PRH1: variants seen among roughly 807,000 people sequenced by gnomAD.
The protein encoded by PRH1 is salivary acidic proline-rich phosphoprotein 1/2.
Under a neutral mutation model 7.9 loss-of-function variants are expected in PRH1, and 7 were observed. The observed-to-expected ratio is 0.89, with a 90% CI of 0.50 to 1.67. The LOEUF is 1.67. Among genes scored for constraint, PRH1 ranks in the 40% most tolerant of loss-of-function variants. The pLI, the probability that PRH1 is intolerant of heterozygous loss-of-function variation, is 0.00. For missense variants in PRH1, 109 were observed against 223.6 expected, an observed-to-expected ratio of 0.49 and a Z score of 3.27; for synonymous variants, 45 against 80.8, an observed-to-expected ratio of 0.56 and a Z score of 2.38.
rs546066515 is a variant in PRH1 at position 10,903,931 on chromosome 12, CAAAAAAAA to C, written c.-58-19664_-58-19657del. Among the ~76,000 whole-genome samples the C allele has an allele frequency of 3.2e-4, 10 of 31,098 alleles. 1 individual carries two copies. Among genetic ancestry groups the C allele is most frequent in the South Asian group, 2.5e-3 (1 of 406 alleles). The allele number at this position is 31,098 out of a possible 152,430, so 20.4% of individuals were successfully genotyped here. A position where few individuals can be genotyped will look rare whatever the true frequency, so the allele number is the denominator to read the frequency against. On this transcript the variant is annotated intron_variant, in intron 2 of 3. Coordinates refer to the PRH1 transcript ENST00000539853. The stretch of plus-strand genomic sequence containing the variant: ...AATGCAATCCCATTTACAATAGCCT[CAAAAAAAA>C]AAAAAAAAAAAAAAACAACTAGGAC...
At chr12:11,101,168 A>G (rs547521116) in intron 1 of PRH1, among the ~76,000 whole-genome samples, 1 of 152,166 alleles carries the variant, frequency 6.6e-6, no homozygotes, top group East Asian at 1.9e-4. Flanking sequence ...ATTCTTGCCT[A>G]TCTCTTCTTT....
At chr12:11,031,099 T>C (rs1942187092) in intron 1 of PRH1, 1 of 1,614,292 alleles carries the variant, frequency 6.2e-7, no homozygotes, top group Non-Finnish European at 8.5e-7. Flanking sequence ...TAGTTCTTAC[T>C]TCTACACTAT....
Position 11,087,045 on chromosome 12 carries a change from T to C in PRH1, n.124-39857A>G, listed in dbSNP as rs1402011261. On this transcript the variant is annotated intron_variant and non_coding_transcript_variant, in intron 1 of 4. Coordinates refer to the PRH1 transcript ENST00000541977. ...ATAGGCAGGAACCAAAGATTGTTCA[T>C]TATCGATTCGATACTGTTTTACTTG... is the stretch of plus-strand genomic sequence containing the variant. Among the ~76,000 whole-genome samples, 5 of 115,380 alleles carry C rather than the reference T, an allele frequency of 4.3e-5. 1 individual carries two copies. Among genetic ancestry groups the C allele is most frequent in the African/African-American group, 1.4e-4 (5 of 34,488 alleles). 75.7% of individuals were successfully genotyped at this position (115,380 alleles called of 152,430 possible).
At chr12:11,011,932 A>C (rs10845288) in intron 1 of PRH1, among the ~76,000 whole-genome samples, 32,161 of 152,156 alleles carry the variant, frequency 0.21, 3,992 homozygotes, top group Non-Finnish European at 0.27. Context: ...AGGTCATCCA[A>C]GTTGAAATAG....
chr12:11,148,294 C>G (rs1447544081), intron 1 of PRH1, among the ~76,000 whole-genome samples: 2 of 152,028 alleles, frequency 1.3e-5, no homozygotes, highest in Non-Finnish European at 2.9e-5. Flanking sequence ...TCTCCTGCCT[C>G]ATTGCCCTGG....
intron 1 of PRH1, chr12:11,030,909 G>C: frequency 6.2e-7 from 1 of 1,614,152 alleles, no homozygotes; most frequent in Non-Finnish European, 8.5e-7. Context: ...ACAAAAAGTT[G>C]ACAAGCCAAA....
rs557573809 is a variant in PRH1 at position 10,952,803 on chromosome 12, G to A, written c.-59+20852C>T. Among the ~76,000 whole-genome samples, 455 of 152,220 alleles carry A rather than the reference G, an allele frequency of 3.0e-3. 3 individuals carry two copies. Among genetic ancestry groups the A allele is most frequent in the African/African-American group, 0.01 (432 of 41,550 alleles). On this transcript the variant is annotated intron_variant, in intron 2 of 3. Transcript: ENST00000539853. The stretch of plus-strand genomic sequence containing the variant: ...CTTGGGCCAGCCTGCACCCCATCCC[G>A]GTCCAAGAGCCTATACCCTGCCACA...
At chr12:11,090,442 A>G (rs1412586578) in intron 1 of PRH1, among the ~76,000 whole-genome samples, 2 of 116,966 alleles carry the variant, frequency 1.7e-5, no homozygotes, top group African/African-American at 5.7e-5. Context: ...AAAATAATTT[A>G]CATGAGATCT....
At chr12:11,153,159 T>C (rs1167158063) in intron 1 of PRH1, among the ~76,000 whole-genome samples, 3 of 152,186 alleles carry the variant, frequency 2.0e-5, no homozygotes, top group African/African-American at 7.2e-5. Flanking sequence ...TAGAACATTT[T>C]AGTGAACATA....
At chr12:10,998,370 T>C (rs7135941) in intron 1 of PRH1, among the ~76,000 whole-genome samples, 46,334 of 152,062 alleles carry the variant, frequency 0.3, 8,926 homozygotes, top group East Asian at 0.74. Context: ...AAAATCACTA[T>C]GGATTTATTT....
Position 11,091,038 on chromosome 12 carries a change from T to A in PRH1, n.124-43850A>T, listed in dbSNP as rs1268452760. ...TGTCATATTTTGTATAATTTGGCAGTTTGTATGAAAAAACAGAAAAGAGCA... is the reference window on the plus strand; with the variant it reads ...TGTCATATTTTGTATAATTTGGCAGATTGTATGAAAAAACAGAAAAGAGCA... On this transcript the variant is annotated intron_variant and non_coding_transcript_variant, in intron 1 of 4. Transcript: ENST00000541977. Among the ~76,000 whole-genome samples, 3 of 98,188 alleles carry A rather than the reference T, an allele frequency of 3.1e-5. 1 individual carries two copies. The highest frequency in any genetic ancestry group is 7.1e-5 in the Non-Finnish European group (3 of 42,294). The allele number at this position is 98,188 out of a possible 152,430, so 64.4% of individuals were successfully genotyped here. A position where few individuals can be genotyped will look rare whatever the true frequency, so the allele number is the denominator to read the frequency against.
chr12:10,931,704 T>A (rs560187402), intron 2 of PRH1, among the ~76,000 whole-genome samples: 65 of 152,346 alleles, frequency 4.3e-4, no homozygotes, highest in African/African-American at 1.5e-3. Context: ...CTATATATAA[T>A]TTTCCCACCA....
At chr12:11,106,536 T>C (rs1283382429) in intron 1 of PRH1, among the ~76,000 whole-genome samples, 4 of 152,100 alleles carry the variant, frequency 2.6e-5, no homozygotes, top group South Asian at 2.1e-4. Flanking sequence ...TGTGTAACTA[T>C]TGTGGGCTAC....
intron 1 of PRH1, among the ~76,000 whole-genome samples, chr12:10,991,012 T>C (rs975154022): frequency 6.6e-6 from 1 of 152,170 alleles, no homozygotes; most frequent in African/African-American, 2.4e-5. Context: ...TTCAAGTTCT[T>C]GTTACGACAT....
At position 11,168,368 on chromosome 12, in the gene PRH1, AAAAGAAAG is replaced by A. The variant is rs199864169; in HGVS notation, n.39+3046_39+3053del. Among the ~76,000 whole-genome samples, 307 of 36,090 alleles carry A rather than the reference AAAAGAAAG, an allele frequency of 8.5e-3. 43 individuals are homozygous for A. Among genetic ancestry groups the A allele is most frequent in the African/African-American group, 0.013 (121 of 8,980 alleles). The allele number at this position is 36,090 out of a possible 152,430, so 23.7% of individuals were successfully genotyped here. On this transcript the variant is annotated intron_variant and non_coding_transcript_variant, in intron 1 of 1. Coordinates refer to the PRH1 transcript ENST00000541175. ...GGGAAAGAAAGGAAAGAAAAGAAAG[AAAAGAAAG>A]AAAGAAAGAAAGAAAGAAAGAAAGA...
rs554457099 is a variant in PRH1 at position 11,073,200 on chromosome 12, C to T, written n.124-26012G>A. Reference sequence around the variant, plus strand: ...AGGCTAGAGTGCACTGGTGCCATCTCGGCTCACTGCAAACTTCGCCTCCTG... The same window carrying T: ...AGGCTAGAGTGCACTGGTGCCATCTTGGCTCACTGCAAACTTCGCCTCCTG... On this transcript the variant is annotated intron_variant and non_coding_transcript_variant, in intron 1 of 4. Transcript: ENST00000541977. 6.7e-5 allele frequency among the ~76,000 whole-genome samples: 8 copies of T among 120,298 alleles called. 1 individual carries two copies. Among genetic ancestry groups the T allele is most frequent in the East Asian group, 2.1e-4 (1 of 4,874 alleles). The allele number at this position is 120,298 out of a possible 152,430, so 78.9% of individuals were successfully genotyped here. A position where few individuals can be genotyped will look rare whatever the true frequency, so the allele number is the denominator to read the frequency against.
At chr12:10,938,860 G>A (rs1591702981) in intron 2 of PRH1, 3 of 1,613,710 alleles carry the variant, frequency 1.9e-6, no homozygotes, top group Non-Finnish European at 2.5e-6. Flanking sequence ...GAAAAATAGA[G>A]TTAGAAAAAT....
chr12:10,939,050 A>G, intron 2 of PRH1: 1 of 1,614,014 alleles, frequency 6.2e-7, no homozygotes, highest in South Asian at 1.1e-5. Flanking sequence ...AATTCGAGAG[A>G]TTGCCAAAGC....
At chr12:10,912,299 G>A (rs1047330936) in intron 2 of PRH1, among the ~76,000 whole-genome samples, 15 of 151,998 alleles carry the variant, frequency 9.9e-5, no homozygotes, top group African/African-American at 2.9e-4. Context: ...TCTTGATCTG[G>A]AACCATTCCG....
Sources: gnomAD v4.1 joint callset for allele counts (sites outside exome capture counted in the v4.1 genomes callset) on GRCh38, gnomAD v4.1.1 for gene constraint, MANE v1.5 for transcripts, NCBI Gene and HGNC (gene_info 2026-07-23, HGNC 2026-07-21) for gene names.